STRN3: variants seen among roughly 807,000 people sequenced by gnomAD.
STRN3 encodes striatin 3.
Under a neutral mutation model 95.6 loss-of-function variants are expected in STRN3, and 29 were observed. The ratio of observed to expected loss-of-function variants is 0.30; its 90% CI spans 0.23 to 0.41. The LOEUF (loss-of-function observed/expected upper bound fraction) is 0.41, where lower values mean the gene tolerates loss of function less well. STRN3 is among the 10% of genes least tolerant of loss of function. The probability of loss-of-function intolerance (pLI) is 1.00; values close to 1 mark genes in which losing one functional copy is unlikely to be tolerated. For missense variants in STRN3, 890 were observed against 972.1 expected, an observed-to-expected ratio of 0.92 and a Z score of 1.12; for synonymous variants, 331 against 357.6, an observed-to-expected ratio of 0.93 and a Z score of 0.84.
intron 1 of STRN3, among the ~76,000 whole-genome samples, chr14:30,980,486 C>T (rs1347806979): frequency 6.6e-6 from 1 of 151,948 alleles, no homozygotes; most frequent in Non-Finnish European, 1.5e-5. Flanking sequence ...CAGCTCACTG[C>T]AACCTCTGCC....
chr14:30,952,012 G>C (rs574972431), intron 3 of STRN3, among the ~76,000 whole-genome samples: 51 of 152,226 alleles, frequency 3.4e-4, no homozygotes, highest in African/African-American at 1.1e-3. Flanking sequence ...CAGCTACTTG[G>C]GAGGCTGAGG....
chr14:30,956,078 T>A (rs532276230), intron 2 of STRN3, 61 bp downstream of exon 2: 1 of 1,421,880 alleles, frequency 7.0e-7, no homozygotes, highest in East Asian at 2.3e-5. Context: ...CAGAGTACAA[T>A]GGTATACATG....
intron 1 of STRN3, among the ~76,000 whole-genome samples, chr14:30,979,280 A>AT (rs1881270463): frequency 1.3e-5 from 2 of 152,168 alleles, no homozygotes; most frequent in South Asian, 4.1e-4. Context: ...AAAAGGAAAC[A>AT]TTTAAAAAGT....
chr14:30,936,558 C>G lies in STRN3; in HGVS notation c.783G>C (p.Glu261Asp), dbSNP rs1373150516. ...GGATGCCTTCGATCATGTCATTTTC[C>G]TCATCTTCATCACTGTCATCGGCAT... ...LENADDSDED[E>D]ENDMIEGIPE... Residue 261 changes from glutamate (E) to aspartate (D), a missense_variant, in exon 6 of 18, where the codon GAG becomes GAC. Glu to Asp is a conservative substitution (Grantham distance 45, BLOSUM62 2). This residue lies in a region of STRN3 where 526 missense variants were observed against 526.3 expected (regional missense o/e 1.00). Transcript: ENST00000357479. 6.2e-7 allele frequency: 1 copy of G among 1,613,326 alleles called. No homozygotes were observed. The highest frequency in any genetic ancestry group is 1.1e-5 in the South Asian group (1 of 91,014).
chr14:30,910,039 G>A (rs1256106077), intron 13 of STRN3, among the ~76,000 whole-genome samples: 1 of 152,020 alleles, frequency 6.6e-6, no homozygotes, highest in Admixed American at 6.6e-5. Context: ...CCTCCTAACT[G>A]GTATTTCTCT....
At chr14:30,983,480 G>A (rs1272487504) in intron 1 of STRN3, among the ~76,000 whole-genome samples, 1 of 152,238 alleles carries the variant, frequency 6.6e-6, no homozygotes, top group Admixed American at 6.5e-5. Context: ...GGGAGGTGGA[G>A]GTTGCAGTGA....
chr14:30,896,862 T>C (rs191364974), intron 16 of STRN3, among the ~76,000 whole-genome samples: 6 of 152,250 alleles, frequency 3.9e-5, no homozygotes, highest in Admixed American at 2.0e-4. Context: ...GGCAAGCAAA[T>C]GGAATTCAAC....
chr14:30,965,530 C>A (rs1566462327), intron 1 of STRN3, among the ~76,000 whole-genome samples: 1 of 151,076 alleles, frequency 6.6e-6, no homozygotes, highest in Non-Finnish European at 1.5e-5. Context: ...TAAAAAAAAA[C>A]AAAAAGAGGC....
chr14:30,999,337 G>A (rs1295505765), intron 1 of STRN3, among the ~76,000 whole-genome samples: 1 of 152,162 alleles, frequency 6.6e-6, no homozygotes, highest in Non-Finnish European at 1.5e-5. Flanking sequence ...ATGAGCCACC[G>A]CACCTAGCCC....
chr14:31,025,633 C>A (rs1883802802), intron 1 of STRN3: 2 of 517,160 alleles, frequency 3.9e-6, no homozygotes, highest in Non-Finnish European at 6.9e-6. Flanking sequence ...TCCGGAGGAG[C>A]CCCCGCAGAC....
intron 16 of STRN3, among the ~76,000 whole-genome samples, chr14:30,901,929 A>ATCACCAAGT (rs1353572979): frequency 6.6e-6 from 1 of 152,050 alleles, no homozygotes; most frequent in South Asian, 2.1e-4. Context: ...GCACTTTGGG[A>ATCACCAAGT]GGCCAAGGCA....
At chr14:31,018,841 G>A (rs1883367840) in intron 1 of STRN3, 2 of 366,014 alleles carry the variant, frequency 5.5e-6, no homozygotes, top group Non-Finnish European at 1.0e-5. Flanking sequence ...AGAAAATTTA[G>A]GCAGGGCATA....
intron 1 of STRN3, among the ~76,000 whole-genome samples, chr14:30,968,277 T>A: frequency 6.9e-6 from 1 of 144,920 alleles, no homozygotes; most frequent in Non-Finnish European, 1.5e-5. Context: ...AAAGAATGAT[T>A]ATCATCTTCA....
Position 30,938,879 on chromosome 14 carries a change from C to T in STRN3, c.717-2255G>A, listed in dbSNP as rs115919987. 3.2e-3 allele frequency among the ~76,000 whole-genome samples: 485 copies of T among 152,210 alleles called. 3 individuals are homozygous for T. Among genetic ancestry groups the T allele is most frequent in the African/African-American group, 0.011 (456 of 41,550 alleles). ...TGAACAGATGCTCAACATCATTAGT[C>T]TTTAGGGAAATAAAAATTAAAGGAT... On this transcript the variant is annotated intron_variant, in intron 5 of 17. Coordinates refer to ENST00000357479, the MANE Select transcript of STRN3 (RefSeq NM_001083893.2).
intron 15 of STRN3, among the ~76,000 whole-genome samples, chr14:30,903,493 C>T (rs1302290141): frequency 1.3e-5 from 2 of 152,122 alleles, no homozygotes; most frequent in Admixed American, 1.3e-4. Flanking sequence ...CCTTGAACTC[C>T]TGAGCTCAAG....
chr14:30,933,295 A>AC (rs1490624326), intron 7 of STRN3, among the ~76,000 whole-genome samples: 15 of 150,478 alleles, frequency 1.0e-4, no homozygotes, highest in East Asian at 7.7e-4. Context: ...AAAAAAAAAA[A>AC]AAAAAAAAAA....
intron 1 of STRN3, among the ~76,000 whole-genome samples, chr14:31,024,936 G>A (rs1205655141): frequency 6.6e-6 from 1 of 152,178 alleles, no homozygotes; most frequent in African/African-American, 2.4e-5. Flanking sequence ...TTGAGATCCA[G>A]GACATGAGCT....
intron 1 of STRN3, among the ~76,000 whole-genome samples, chr14:31,006,871 G>A (rs1324549575): frequency 6.6e-6 from 1 of 152,060 alleles, no homozygotes; most frequent in South Asian, 2.1e-4. Flanking sequence ...AGCCACTCTG[G>A]AGGTAGAAGT....
chr14:30,934,108 G>A (rs749757109), intron 7 of STRN3, among the ~76,000 whole-genome samples: 1 of 152,104 alleles, frequency 6.6e-6, no homozygotes, highest in South Asian at 2.1e-4. Flanking sequence ...GGCGGATCGC[G>A]ATGTCAAGAG....
Sources: gnomAD v4.1 joint callset for allele counts (sites outside exome capture counted in the v4.1 genomes callset) on GRCh38, gnomAD v4.1.1 for gene constraint, gnomAD v4.1.1 regional missense constraint, MANE v1.5 for transcripts, NCBI Gene and HGNC (gene_info 2026-07-23, HGNC 2026-07-21) for gene names.